MBNL2: variants seen among roughly 807,000 people sequenced by gnomAD.
MBNL2 encodes muscleblind like splicing regulator 2, also known as muscleblind-like protein 2.
A neutral mutation model predicts 41.9 loss-of-function variants in MBNL2; 17 were observed. The observed-to-expected ratio is 0.41, with a 90% CI of 0.28 to 0.61. The LOEUF (loss-of-function observed/expected upper bound fraction) is 0.61. MBNL2 is among the 20% of genes least tolerant of loss of function. MBNL2 has a pLI of 0.35. For missense variants in MBNL2, 336 were observed against 505.6 expected (o/e 0.66, Z 3.22); for synonymous variants, 195 against 182.9 (o/e 1.07, Z -0.53).
the MBNL2 span, among the ~76,000 whole-genome samples, chr13:97,174,666 A>G: frequency 1.3e-5 from 2 of 152,220 alleles, no homozygotes; most frequent in Non-Finnish European, 2.9e-5. Flanking sequence ...CATGGCTGAA[A>G]ACAGGATTGG....
chr13:97,196,005 A>G, the MBNL2 span, among the ~76,000 whole-genome samples: 1 of 152,184 alleles, frequency 6.6e-6, no homozygotes, highest in Non-Finnish European at 1.5e-5. Flanking sequence ...TAGCCTAAGG[A>G]ACATTAGTTT....
the MBNL2 span, among the ~76,000 whole-genome samples, chr13:97,169,632 C>T: frequency 1.3e-5 from 2 of 152,182 alleles, no homozygotes; most frequent in East Asian, 1.9e-4. Context: ...AATAGTCTTT[C>T]GCATTTGAAG....
rs564681508 is a variant in MBNL2, at chr13:97,288,847, T to C, written c.174+12438T>C. Among the ~76,000 whole-genome samples the C allele has an allele frequency of 3.2e-4, 48 of 152,324 alleles. 3 individuals carry two copies. In the South Asian group the frequency reaches 8.7e-3, roughly 28 times the overall value. ...TTGGGATTCAGGGAATGAGTAGATA[T>C]TGACATATTTATTTGTGATCAAACT... On this transcript the variant is annotated intron_variant, in intron 2 of 8. Coordinates refer to ENST00000679496, the MANE Select transcript of MBNL2 (RefSeq NM_001382683.1).
chr13:97,181,787 A>G, the MBNL2 span, among the ~76,000 whole-genome samples: 1 of 152,060 alleles, frequency 6.6e-6, no homozygotes, highest in Non-Finnish European at 1.5e-5. Flanking sequence ...TACAGCCTCA[A>G]TACACAGAAT....
At chr13:97,213,148 G>A in the MBNL2 span, among the ~76,000 whole-genome samples, 1 of 152,176 alleles carries the variant, frequency 6.6e-6, no homozygotes, top group Non-Finnish European at 1.5e-5. Flanking sequence ...CCTCAGTCAA[G>A]TAAGAACATA....
At position 97,243,427 on chromosome 13, in the gene MBNL2, G is replaced by A. The variant is rs112943107; in HGVS notation, c.-605+20896G>A. 6.1e-3 allele frequency among the ~76,000 whole-genome samples: 925 copies of A among 152,276 alleles called. 7 individuals are homozygous for A. The highest frequency in any genetic ancestry group is 8.7e-3 in the Non-Finnish European group (589 of 68,024). ...GCAGCAAGGTCAGCCTCAAGGAGGT[G>A]AGGATAAATGGAAAGGGGGCACAAG... On this transcript the variant is annotated intron_variant, in intron 1 of 8. Coordinates refer to ENST00000679496, the MANE Select transcript of MBNL2 (RefSeq NM_001382683.1).
intron 8 of MBNL2, among the ~76,000 whole-genome samples, chr13:97,368,700 T>TTGTGTGTGTGTGTGTG (rs140107508): frequency 2.0e-5 from 3 of 148,270 alleles, no homozygotes; most frequent in African/African-American, 5.0e-5. Flanking sequence ...ATATTCAAGT[T>TTGTGTGTGTGTGTGTG]TGTGTGTGTG....
chr13:97,289,701 G>C (rs2055422852), intron 2 of MBNL2, among the ~76,000 whole-genome samples: 1 of 152,162 alleles, frequency 6.6e-6, no homozygotes, highest in Non-Finnish European at 1.5e-5. Context: ...GGAGAGGCGA[G>C]GACCTTGCTT....
chr13:97,201,996 T>TCA, the MBNL2 span, among the ~76,000 whole-genome samples: 1 of 152,222 alleles, frequency 6.6e-6, no homozygotes, highest in Admixed American at 6.5e-5. Context: ...GACCTTATAG[T>TCA]TAAATCACAG....
At chr13:97,213,819 T>C in the MBNL2 span, among the ~76,000 whole-genome samples, 1 of 152,224 alleles carries the variant, frequency 6.6e-6, no homozygotes, top group African/African-American at 2.4e-5. Flanking sequence ...AAGTCTTTCC[T>C]TCAGGAACGG....
At chr13:97,208,258 T>G in the MBNL2 span, among the ~76,000 whole-genome samples, 3 of 152,238 alleles carry the variant, frequency 2.0e-5, no homozygotes, top group Non-Finnish European at 4.4e-5. Context: ...AATTCTTTTT[T>G]ATTTTCCGAG....
chr13:97,203,662 C>G, the MBNL2 span, among the ~76,000 whole-genome samples: 1 of 152,136 alleles, frequency 6.6e-6, no homozygotes, highest in South Asian at 2.1e-4. Context: ...CCGCCTGACT[C>G]TTCATTCTTC....
At chr13:97,236,608 A>G (rs2043324784) in intron 1 of MBNL2, among the ~76,000 whole-genome samples, 1 of 151,230 alleles carries the variant, frequency 6.6e-6, no homozygotes, top group Non-Finnish European at 1.5e-5. Flanking sequence ...AGGTAGTCCT[A>G]TATTTTTATT....
At chr13:97,377,018 G>A (rs1431338764) in intron 8 of MBNL2, among the ~76,000 whole-genome samples, 1 of 152,054 alleles carries the variant, frequency 6.6e-6, no homozygotes, top group Non-Finnish European at 1.5e-5. Context: ...ATCGTGTAAG[G>A]GGCCTTGAAC....
chr13:97,267,979 T>C (rs1189404690), intron 1 of MBNL2, among the ~76,000 whole-genome samples: 3 of 152,240 alleles, frequency 2.0e-5, no homozygotes, highest in African/African-American at 7.2e-5. Flanking sequence ...GCCCCCTGGA[T>C]GGCTTGTTAA....
rs556985144 is a variant in MBNL2 at position 97,238,675 on chromosome 13, G to A, written c.-605+16144G>A. Among the ~76,000 whole-genome samples, 7 of 152,286 alleles carry A rather than the reference G, an allele frequency of 4.6e-5. No homozygotes were observed. The East Asian group carries it at 7.7e-4, about 17-fold the overall frequency. On this transcript the variant is annotated intron_variant, in intron 1 of 8. Transcript: ENST00000679496. ...CACCAGGGAAGTGGAAAGTGAAAAC[G>A]ATTAGGTAGGGAGTGGGAGACAGGT...
chr13:97,240,609 A>G (rs2044080281), intron 1 of MBNL2, among the ~76,000 whole-genome samples: 1 of 152,238 alleles, frequency 6.6e-6, no homozygotes, highest in East Asian at 1.9e-4. Context: ...GATATCCCTC[A>G]CAAAGATCCC....
At chr13:97,310,322 A>G (rs1209642580) in intron 2 of MBNL2, among the ~76,000 whole-genome samples, 2 of 152,222 alleles carry the variant, frequency 1.3e-5, no homozygotes, top group Non-Finnish European at 2.9e-5. Flanking sequence ...TTCATGATAC[A>G]ATGCTAATTA....
the MBNL2 span, among the ~76,000 whole-genome samples, chr13:97,144,194 G>A: frequency 5.3e-5 from 8 of 151,888 alleles, no homozygotes; most frequent in Admixed American, 2.6e-4. Flanking sequence ...AAAAGGGAGC[G>A]GCTGCTCTGT....
Sources: gnomAD v4.1 joint callset for allele counts (sites outside exome capture counted in the v4.1 genomes callset) on GRCh38, gnomAD v4.1.1 for gene constraint, MANE v1.5 for transcripts, NCBI Gene and HGNC (gene_info 2026-07-23, HGNC 2026-07-21) for gene names.